Variants in PTGFR observed in about 807,000 individuals in gnomAD.
The protein encoded by PTGFR is prostaglandin F receptor, also known as prostaglandin F2-alpha receptor.
In PTGFR, 15 loss-of-function variants were observed where a neutral mutation model predicts 26.2. The observed-to-expected ratio is 0.57, with a 90% CI of 0.38 to 0.88. The LOEUF (loss-of-function observed/expected upper bound fraction) is 0.88, where lower values mean the gene tolerates loss of function less well. Ranked by LOEUF, PTGFR falls within the 40% of genes least tolerant of loss-of-function variation. The probability of loss-of-function intolerance (pLI) is 0.00; values close to 1 mark genes in which losing one functional copy is unlikely to be tolerated. For synonymous variants in PTGFR, 165 were observed against 151.1 expected, an observed-to-expected ratio of 1.09 and a Z score of -0.68; for missense variants, 369 against 427.2, an observed-to-expected ratio of 0.86 and a Z score of 1.20.
intron 2 of PTGFR, among the ~76,000 whole-genome samples, chr1:78,514,548 C>G (rs1650048030): frequency 6.6e-6 from 1 of 152,066 alleles, no homozygotes; most frequent in Non-Finnish European, 1.5e-5. Flanking sequence ...AAACTCATCT[C>G]CAGATGAGAC....
intron 2 of PTGFR, among the ~76,000 whole-genome samples, chr1:78,524,534 C>A (rs1650322100): frequency 6.6e-6 from 1 of 152,058 alleles, no homozygotes; most frequent in Admixed American, 6.6e-5. Context: ...AAAAGAGAGG[C>A]AAGACATTTG....
rs1429428906 is a variant in PTGFR, at chr1:78,538,739, A to G, written c.*2052A>G. ...AATAACTTTCACATAAATGTTCAAAATAGAAGTGTATTTTTTCAGGTTTCT... is the reference window on the plus strand; with the variant it reads ...AATAACTTTCACATAAATGTTCAAAGTAGAAGTGTATTTTTTCAGGTTTCT... On this transcript the variant is annotated 3_prime_UTR_variant, in exon 3 of 3. Transcript: ENST00000370757. 1.3e-5 allele frequency: 2 copies of G among 152,116 alleles called. No individual in the cohort carries two copies. Among genetic ancestry groups the G allele is most frequent in the Non-Finnish European group, 2.9e-5 (2 of 68,006 alleles). 9.4% of individuals were successfully genotyped at this position (152,116 alleles called of 1,614,324 possible).
At chr1:78,505,979 A>C (rs151075917) in intron 2 of PTGFR, among the ~76,000 whole-genome samples, 121 of 152,342 alleles carry the variant, frequency 7.9e-4, no homozygotes, top group Non-Finnish European at 1.3e-3. Context: ...GGCTATTGTG[A>C]ATAATAATGC....
At chr1:78,525,607 T>G (rs1650352079) in intron 2 of PTGFR, among the ~76,000 whole-genome samples, 1 of 152,020 alleles carries the variant, frequency 6.6e-6, no homozygotes, top group Non-Finnish European at 1.5e-5. Flanking sequence ...ATTGATTGAA[T>G]AATTGATCAT....
At position 78,493,012 on chromosome 1, in the gene PTGFR, T is replaced by C; in HGVS notation, c.269T>C (p.Phe90Ser). Reference protein sequence around the residue: ...GHLINGAIAVFVYASDKEWIR... With the variant: ...GHLINGAIAVSVYASDKEWIR... Reference sequence around the variant, plus strand: ...CTCATCAATGGAGCCATAGCAGTATTTGTATATGCTTCTGATAAAGAATGG... The same window carrying C: ...CTCATCAATGGAGCCATAGCAGTATCTGTATATGCTTCTGATAAAGAATGG... Residue 90 changes from phenylalanine to serine, a missense_variant, in exon 2 of 3, where the codon TTT becomes TCT. Transcript: ENST00000370757. 1 of 1,614,242 alleles carries C rather than the reference T, an allele frequency of 6.2e-7. No homozygotes were observed. Among genetic ancestry groups the C allele is most frequent in the Non-Finnish European group, 8.5e-7 (1 of 1,180,044 alleles).
At chr1:78,510,650 C>A (rs534031591) in intron 2 of PTGFR, among the ~76,000 whole-genome samples, 1 of 152,174 alleles carries the variant, frequency 6.6e-6, no homozygotes, top group South Asian at 2.1e-4. Context: ...CATCCCTGGC[C>A]CCCCCAAATC....
chr1:78,497,419 A>G (rs1295081089), intron 2 of PTGFR, among the ~76,000 whole-genome samples: 1 of 152,136 alleles, frequency 6.6e-6, no homozygotes, highest in African/African-American at 2.4e-5. Context: ...TAGATGAATC[A>G]CTTTTCCTTA....
At chr1:78,530,908 T>G (rs1251089131) in intron 2 of PTGFR, among the ~76,000 whole-genome samples, 1 of 107,260 alleles carries the variant, frequency 9.3e-6, no homozygotes, top group Non-Finnish European at 2.4e-5. Flanking sequence ...CTTGGCTTTC[T>G]TTTTGGCAAT....
At position 78,493,561 on chromosome 1, in the gene PTGFR, A is replaced by T. The variant is rs567061580; in HGVS notation, c.798+20A>T. 139 of 1,512,292 alleles carry T rather than the reference A, an allele frequency of 9.2e-5. No homozygotes were observed. The highest frequency in any genetic ancestry group is 1.2e-4 in the Non-Finnish European group (131 of 1,133,058). 93.7% of individuals were successfully genotyped at this position (1,512,292 alleles called of 1,614,324 possible). On this transcript the variant is annotated intron_variant, in intron 2 of 2. Coordinates refer to ENST00000370757, the MANE Select transcript of PTGFR (RefSeq NM_000959.4). ...TTTCTGGTAAGAGCCTGAAGTTTTGACTTCTGCTTTCTTGGGTTAATCCAT... is the reference window on the plus strand; with the variant it reads ...TTTCTGGTAAGAGCCTGAAGTTTTGTCTTCTGCTTTCTTGGGTTAATCCAT...
At chr1:78,497,924 G>A (rs769130666) in intron 2 of PTGFR, 1 of 1,590,728 alleles carries the variant, frequency 6.3e-7, no homozygotes, top group Non-Finnish European at 8.6e-7. Flanking sequence ...TATATGAAGA[G>A]CAAAGTGATT....
chr1:78,521,276 C>T (rs1650235722), intron 2 of PTGFR, among the ~76,000 whole-genome samples: 1 of 152,082 alleles, frequency 6.6e-6, no homozygotes, highest in Admixed American at 6.6e-5. Context: ...AAAGTTTACC[C>T]TTCCCAGTGA....
intron 2 of PTGFR, among the ~76,000 whole-genome samples, chr1:78,512,838 T>C (rs1650005300): frequency 6.6e-6 from 1 of 152,148 alleles, no homozygotes; most frequent in African/African-American, 2.4e-5. Context: ...CCTCATGATA[T>C]CTGGTTGTGA....
intron 2 of PTGFR, chr1:78,497,874 G>C (rs1465533977): frequency 1.3e-6 from 2 of 1,574,210 alleles, no homozygotes; most frequent in Admixed American, 1.7e-5. Flanking sequence ...TTCTCTTCAG[G>C]GATACAGAAT....
intron 2 of PTGFR, among the ~76,000 whole-genome samples, chr1:78,501,165 G>A (rs1458500609): frequency 6.6e-6 from 1 of 151,938 alleles, no homozygotes; most frequent in Non-Finnish European, 1.5e-5. Context: ...TGGCTTAAAG[G>A]GTTTTGGGCT....
chr1:78,536,167 C>A (rs972305441), intron 2 of PTGFR, among the ~76,000 whole-genome samples: 1 of 152,098 alleles, frequency 6.6e-6, no homozygotes, highest in African/African-American at 2.4e-5. Flanking sequence ...TCTGTTTATG[C>A]ATATTTGACT....
chr1:78,502,761 A>G (rs1420901182), intron 2 of PTGFR, among the ~76,000 whole-genome samples: 1 of 152,162 alleles, frequency 6.6e-6, no homozygotes, highest in Non-Finnish European at 1.5e-5. Context: ...TGGGCATCTA[A>G]CATATGTCAG....
Position 78,539,567 on chromosome 1 carries a change from T to C in PTGFR, c.*2880T>C, listed in dbSNP as rs1403571107. ...GCACATTTTAATAGTAGATGAAACA[T>C]GTTTTTCTTGGTTATGTGAATAAAT... On this transcript the variant is annotated 3_prime_UTR_variant, in exon 3 of 3. Transcript: ENST00000370757. The C allele has an allele frequency of 6.6e-6, 1 of 152,542 alleles. No individual in the cohort carries two copies. The highest frequency in any genetic ancestry group is 1.5e-5 in the Non-Finnish European group (1 of 68,006). The allele number at this position is 152,542 out of a possible 1,614,324, so 9.4% of individuals were successfully genotyped here. A position where few individuals can be genotyped will look rare whatever the true frequency, so the allele number is the denominator to read the frequency against.
intron 2 of PTGFR, among the ~76,000 whole-genome samples, chr1:78,515,960 A>G (rs1363029567): frequency 1.3e-5 from 2 of 152,214 alleles, no homozygotes; most frequent in Non-Finnish European, 2.9e-5. Flanking sequence ...TATTAATTGC[A>G]TTTGAATGTC....
chr1:78,500,277 T>G (rs1649670510), intron 2 of PTGFR, among the ~76,000 whole-genome samples: 1 of 152,236 alleles, frequency 6.6e-6, no homozygotes, highest in Non-Finnish European at 1.5e-5. Context: ...GCTATCAGAC[T>G]AAAAGATTAG....
Sources: gnomAD v4.1 joint callset for allele counts (sites outside exome capture counted in the v4.1 genomes callset) on GRCh38, gnomAD v4.1.1 for gene constraint, MANE v1.5 for transcripts, NCBI Gene and HGNC (gene_info 2026-07-23, HGNC 2026-07-21) for gene names.